The following SLC9A4 variants were observed in gnomAD, a reference collection of about 807,000 sequenced individuals.
SLC9A4 encodes sodium/hydrogen exchanger 4.
A neutral mutation model predicts 67.4 loss-of-function variants in SLC9A4; 63 were observed. The observed-to-expected ratio is 0.93, with a 90% CI of 0.76 to 1.15. The LOEUF (loss-of-function observed/expected upper bound fraction) is 1.15, where lower values mean the gene tolerates loss of function less well. Ranked by LOEUF, SLC9A4 falls within the 50% of genes most tolerant of loss-of-function variation. SLC9A4 has a pLI of 0.00. For missense variants in SLC9A4, 1,089 were observed against 987.7 expected (o/e 1.10, Z -1.38); for synonymous variants, 393 against 367.2 (o/e 1.07, Z -0.80).
In SLC9A4 at chr2:102,493,644, G is replaced by C. The variant is rs185684978; in HGVS notation, c.721-9804G>C. Among the ~76,000 whole-genome samples the C allele has an allele frequency of 1.3e-4, 20 of 151,754 alleles. No homozygotes were observed. In the East Asian group the frequency reaches 3.9e-3, roughly 29 times the overall value. ...TACAATTCAAGAAGAGATTTGGGTGGGGACACAGCCAAACCATATCACCAC... is the reference window on the plus strand; with the variant it reads ...TACAATTCAAGAAGAGATTTGGGTGCGGACACAGCCAAACCATATCACCAC... On this transcript the variant is annotated intron_variant, in intron 2 of 11. Transcript: ENST00000295269.
At position 102,532,845 on chromosome 2, in the gene SLC9A4, G is replaced by A; in HGVS notation, c.*157G>A. ...AAGCAGCAGGAAGATTTTTTCCAAGGACTGGGAGCAAACTTGCAGGCTCTG... is the reference window on the plus strand; with the variant it reads ...AAGCAGCAGGAAGATTTTTTCCAAGAACTGGGAGCAAACTTGCAGGCTCTG... On this transcript the variant is annotated 3_prime_UTR_variant, in exon 12 of 12. Coordinates refer to ENST00000295269, the MANE Select transcript of SLC9A4 (RefSeq NM_001011552.4). 1 of 762,414 alleles carries A rather than the reference G, an allele frequency of 1.3e-6. No individual in the cohort carries two copies. Among genetic ancestry groups the A allele is most frequent in the Non-Finnish European group, 2.0e-6 (1 of 489,836 alleles). 47.2% of individuals were successfully genotyped at this position (762,414 alleles called of 1,614,324 possible).
chr2:102,521,279 C>A (rs996433406), intron 9 of SLC9A4, among the ~76,000 whole-genome samples: 7 of 152,172 alleles, frequency 4.6e-5, no homozygotes, highest in African/African-American at 1.4e-4. Context: ...CCTTTCTTTT[C>A]TTCCTTGGAT....
At chr2:102,490,110 A>T (rs6705272) in intron 2 of SLC9A4, among the ~76,000 whole-genome samples, 5 of 151,256 alleles carry the variant, frequency 3.3e-5, no homozygotes, top group Non-Finnish European at 2.9e-5. Flanking sequence ...TTTTTTTTTA[A>T]CTTGACAGTA....
chr2:102,497,766 T>C (rs1283973823), intron 2 of SLC9A4, among the ~76,000 whole-genome samples: 2 of 152,238 alleles, frequency 1.3e-5, no homozygotes, highest in Non-Finnish European at 2.9e-5. Context: ...TATGAGTATC[T>C]ACAATGCCCA....
At chr2:102,507,319 C>T (rs1247590950) in intron 4 of SLC9A4, among the ~76,000 whole-genome samples, 1 of 152,230 alleles carries the variant, frequency 6.6e-6, no homozygotes, top group Non-Finnish European at 1.5e-5. Context: ...GAGTTTTATT[C>T]TACGAAGTGA....
chr2:102,513,810 G>A (rs1317417721), intron 7 of SLC9A4, among the ~76,000 whole-genome samples: 3 of 152,086 alleles, frequency 2.0e-5, no homozygotes, highest in Non-Finnish European at 4.4e-5. Flanking sequence ...CCTCACTTAT[G>A]CACACTTTTT....
intron 11 of SLC9A4, 74 bp downstream of exon 11, chr2:102,526,420 G>A (rs1674667209): frequency 1.4e-6 from 2 of 1,385,190 alleles, no homozygotes; most frequent in Admixed American, 3.4e-5. Flanking sequence ...TGTGGGCCAA[G>A]AGGCAACATT....
chr2:102,519,380 A>G (rs1294194361), intron 8 of SLC9A4, among the ~76,000 whole-genome samples: 1 of 152,012 alleles, frequency 6.6e-6, no homozygotes, highest in Non-Finnish European at 1.5e-5. Context: ...TGTAGATGGT[A>G]TTAATCTGTG....
In SLC9A4 at chr2:102,525,109, T is replaced by A; in HGVS notation, c.1904T>A (p.Leu635Ter). ...KEILIRRQNT[L>*]RESMRKGHSL... ...ATTCTGATCCGCCGCCAGAACACCT[T>A]AAGGGAGAGCATGAGGAAAGGTCAC... Residue 635 changes from leucine (L) to a stop codon, truncating the protein, a stop_gained, in exon 10 of 12, where the codon TTA (leucine) becomes TAA (stop). Coordinates refer to ENST00000295269, the MANE Select transcript of SLC9A4 (RefSeq NM_001011552.4). LOFTEE classifies it high-confidence loss of function. 1 of 1,613,970 alleles carries A rather than the reference T, an allele frequency of 6.2e-7. No individual in the cohort carries two copies. Among genetic ancestry groups the A allele is most frequent in the Non-Finnish European group, 8.5e-7 (1 of 1,179,944 alleles).
At chr2:102,531,980 T>C (rs990431995) in intron 11 of SLC9A4, among the ~76,000 whole-genome samples, 1 of 152,240 alleles carries the variant, frequency 6.6e-6, no homozygotes, top group African/African-American at 2.4e-5. Context: ...GTGTGTAGCA[T>C]TGGCTTTGGA....
chr2:102,526,457 G>C, intron 11 of SLC9A4, 111 bp downstream of exon 11: 1 of 891,414 alleles, frequency 1.1e-6, no homozygotes. Flanking sequence ...TTACTTACAT[G>C]ATAAGAAAAA....
rs188427617 is a variant in SLC9A4 at position 102,514,023 on chromosome 2, G to T, written c.1560-67G>T. The T allele has an allele frequency of 1.6e-5, 25 of 1,544,466 alleles. No individual in the cohort carries two copies. In the African/African-American group the frequency reaches 3.4e-4, roughly 21 times the overall value. ...AAGTAGTAAGTAGTTTGTTTCAAGA[G>T]AAATGCATACTTAATGTAACACATA... On this transcript the variant is annotated intron_variant, in intron 7 of 11. Coordinates refer to ENST00000295269, the MANE Select transcript of SLC9A4 (RefSeq NM_001011552.4).
chr2:102,529,792 C>T (rs1247614547), intron 11 of SLC9A4, among the ~76,000 whole-genome samples: 1 of 152,176 alleles, frequency 6.6e-6, no homozygotes, highest in East Asian at 1.9e-4. Flanking sequence ...CTCCCCTTGC[C>T]CTCCAGGGTC....
chr2:102,524,594 T>C (rs78032819), intron 9 of SLC9A4, among the ~76,000 whole-genome samples: 1 of 78,648 alleles, frequency 1.3e-5, no homozygotes, highest in African/African-American at 4.8e-5. Context: ...GTTTGTGTGC[T>C]TGCGTGTGTA....
intron 2 of SLC9A4, among the ~76,000 whole-genome samples, chr2:102,487,125 C>A (rs144339184): frequency 3.6e-4 from 55 of 152,030 alleles, no homozygotes; most frequent in African/African-American, 1.3e-3. Context: ...CAGACATGCA[C>A]TTTCAGCCAA....
chr2:102,507,273 C>T (rs922688003), intron 4 of SLC9A4, among the ~76,000 whole-genome samples: 1 of 152,212 alleles, frequency 6.6e-6, no homozygotes, highest in African/African-American at 2.4e-5. Context: ...TGCTTGCTGG[C>T]AAGTCTGTGT....
At chr2:102,504,253 C>G (rs1472178092) in intron 3 of SLC9A4, among the ~76,000 whole-genome samples, 3 of 152,108 alleles carry the variant, frequency 2.0e-5, no homozygotes, top group Non-Finnish European at 4.4e-5. Flanking sequence ...GGGGTTTCAC[C>G]ATGTTAGCCA....
chr2:102,477,189 C>A (rs1329998656), intron 1 of SLC9A4, among the ~76,000 whole-genome samples: 1 of 152,170 alleles, frequency 6.6e-6, no homozygotes, highest in Non-Finnish European at 1.5e-5. Context: ...TTTCCAAGTC[C>A]TCTCCTGACA....
chr2:102,476,795 G>A (rs1684343755), intron 1 of SLC9A4, among the ~76,000 whole-genome samples: 1 of 151,976 alleles, frequency 6.6e-6, no homozygotes, highest in Non-Finnish European at 1.5e-5. Context: ...TGGACAAAGA[G>A]AAGATGAAGA....
Sources: gnomAD v4.1 joint callset for allele counts (sites outside exome capture counted in the v4.1 genomes callset) on GRCh38, gnomAD v4.1.1 for gene constraint, MANE v1.5 for transcripts, NCBI Gene and HGNC (gene_info 2026-07-23, HGNC 2026-07-21) for gene names.